The following MED14 variants were observed in gnomAD, a reference collection of about 807,000 sequenced individuals.
MED14 encodes mediator of RNA polymerase II transcription subunit 14.
MED14 carries 8 observed loss-of-function variants against 109.0 expected under a neutral mutation model. The observed-to-expected ratio is 0.07, with a 90% CI of 0.04 to 0.13. The LOEUF is 0.13. Among genes scored for constraint, MED14 ranks in the 10% least tolerant of loss-of-function variants. MED14 has a pLI of 1.00. For missense variants in MED14, 711 were observed against 1,142.4 expected, an observed-to-expected ratio of 0.62 and a Z score of 5.44; for synonymous variants, 399 against 408.7, an observed-to-expected ratio of 0.98 and a Z score of 0.29.
intron 15 of MED14, among the ~76,000 whole-genome samples, chrX:40,690,069 T>A (rs1220889830): frequency 1.8e-5 from 2 of 112,127 alleles, no homozygotes; most frequent in Non-Finnish European, 3.8e-5. Flanking sequence ...ATATCCATCT[T>A]CCCTTCCCAC....
intron 28 of MED14, among the ~76,000 whole-genome samples, chrX:40,656,560 C>A (rs1281828482): frequency 5.3e-5 from 6 of 112,152 alleles, no homozygotes; most frequent in Non-Finnish European, 3.8e-5. Context: ...TATCCTCCGA[C>A]CCAGCAATTC....
chrX:40,660,085 AATT>A (rs1021271818), intron 26 of MED14, among the ~76,000 whole-genome samples: 1 of 111,617 alleles, frequency 9.0e-6, no homozygotes, highest in African/African-American at 3.3e-5. Flanking sequence ...GTGATACAGA[AATT>A]ATTTTTTTTA....
At chrX:40,729,282 TAA>T (rs1181208069) in intron 2 of MED14, 35 bp downstream of exon 2, 1 of 1,177,935 alleles carries the variant, frequency 8.5e-7, no homozygotes, top group Non-Finnish European at 1.1e-6. Flanking sequence ...GATTGATCAA[TAA>T]AGAGACTTTA....
chrX:40,731,309 T>C (rs1201631211), intron 1 of MED14, among the ~76,000 whole-genome samples: 2 of 110,982 alleles, frequency 1.8e-5, no homozygotes, highest in African/African-American at 6.6e-5. Context: ...AAGGTTGTCC[T>C]TTTTACCTTC....
chrX:40,688,868 C>T (rs140312193), intron 15 of MED14, among the ~76,000 whole-genome samples: 1,465 of 112,127 alleles, frequency 0.013, 32 homozygotes, highest in African/African-American at 0.044. Flanking sequence ...AATGGTTTCT[C>T]GTGTAATTCT....
Position 40,709,456 on chromosome X carries a change from C to A in MED14, c.1177G>T (p.Asp393Tyr). Residue 393 changes from aspartate (D) to tyrosine (Y), a missense_variant, in exon 10 of 31, where the codon GAC becomes TAC. This residue lies in a region of MED14 where 388 missense variants were observed against 517.3 expected (regional missense o/e 0.75). Transcript: ENST00000324817. The part of the protein sequence containing the change: ...SKLVERAMKI[D>Y]HLSIEKLLID... ...AGGAGTTTTTCTATTGATAAGTGGTCGATCTGCATAAATAAGAACAACAAA... is the reference window on the plus strand; with the variant it reads ...AGGAGTTTTTCTATTGATAAGTGGTAGATCTGCATAAATAAGAACAACAAA... 1 of 1,033,762 alleles carries A rather than the reference C, an allele frequency of 9.7e-7. No individual in the cohort carries two copies. The highest frequency in any genetic ancestry group is 2.4e-5 in the South Asian group (1 of 40,971). The allele number at this position is 1,033,762 out of a possible 1,213,427, so 85.2% of individuals were successfully genotyped here. A position where few individuals can be genotyped will look rare whatever the true frequency, so the allele number is the denominator to read the frequency against.
chrX:40,729,148 G>A (rs1293784193), intron 2 of MED14, among the ~76,000 whole-genome samples, 171 bp downstream of exon 2: 1 of 111,461 alleles, frequency 9.0e-6, no homozygotes, highest in Non-Finnish European at 1.9e-5. Flanking sequence ...ATTGTTAAGG[G>A]TGAGGAAATT....
chrX:40,704,325 A>G (rs1254724397), intron 10 of MED14, among the ~76,000 whole-genome samples: 2 of 112,230 alleles, frequency 1.8e-5, no homozygotes, highest in Admixed American at 1.9e-4. Context: ...GAGGGGTTGT[A>G]AAAGGAATAT....
chrX:40,679,756 T>C, intron 21 of MED14, 108 bp downstream of exon 21: 2 of 765,636 alleles, frequency 2.6e-6, no homozygotes, highest in Non-Finnish European at 3.7e-6. Flanking sequence ...TGCTACTTAC[T>C]AAATTTAAAC....
chrX:40,661,778 C>G (rs1211601815), intron 26 of MED14, among the ~76,000 whole-genome samples: 1 of 111,583 alleles, frequency 9.0e-6, no homozygotes, highest in East Asian at 2.8e-4. Flanking sequence ...CTAAGGCTAT[C>G]AGCATAGGAT....
intron 12 of MED14, among the ~76,000 whole-genome samples, chrX:40,700,954 CTA>C (rs1351578585): frequency 3.6e-5 from 4 of 111,270 alleles, no homozygotes; most frequent in African/African-American, 1.3e-4. Flanking sequence ...CCCTTCACAC[CTA>C]TATTTGCTCT....
chrX:40,735,534 T>A lies in MED14; in HGVS notation c.-122A>T. ...CGCCACCGCCTACCGCCGGGCCGCCTCAGAACAGGAAGCCGTGCGCCGACC... is the reference window on the plus strand; with the variant it reads ...CGCCACCGCCTACCGCCGGGCCGCCACAGAACAGGAAGCCGTGCGCCGACC... On this transcript the variant is annotated 5_prime_UTR_variant, in exon 1 of 31. Transcript: ENST00000324817. 1 of 699,740 alleles carries A rather than the reference T, an allele frequency of 1.4e-6. No individual in the cohort carries two copies. Among genetic ancestry groups the A allele is most frequent in the Non-Finnish European group, 2.2e-6 (1 of 459,295 alleles). The allele number at this position is 699,740 out of a possible 1,213,427, so 57.7% of individuals were successfully genotyped here. A position where few individuals can be genotyped will look rare whatever the true frequency, so the allele number is the denominator to read the frequency against.
intron 16 of MED14, among the ~76,000 whole-genome samples, chrX:40,685,892 G>A (rs905659118): frequency 8.9e-6 from 1 of 112,031 alleles, no homozygotes; most frequent in African/African-American, 3.2e-5. Context: ...TTAAAGCTTT[G>A]AAGTATCAAC....
intron 22 of MED14, among the ~76,000 whole-genome samples, chrX:40,674,786 T>C (rs1375507494): frequency 8.9e-6 from 1 of 112,396 alleles, no homozygotes; most frequent in Non-Finnish European, 1.9e-5. Context: ...TATGGTTCTA[T>C]AATGTGGCTT....
At position 40,680,563 on chromosome X, in the gene MED14, C is replaced by T. The variant is rs1242883335; in HGVS notation, c.2610+195G>A. Reference sequence around the variant, plus strand: ...CCTCCCAAGTAGCTGGGACTACAGGCGTGCATCGCCACAACTGACTAATTT... The same window carrying T: ...CCTCCCAAGTAGCTGGGACTACAGGTGTGCATCGCCACAACTGACTAATTT... On this transcript the variant is annotated intron_variant, in intron 20 of 30. Transcript: ENST00000324817. 7.2e-5 allele frequency among the ~76,000 whole-genome samples: 8 copies of T among 111,028 alleles called. No individual in the cohort carries two copies. In the East Asian group the frequency reaches 1.7e-3, roughly 23 times the overall value.
At chrX:40,673,549 C>T (rs1283341407) in intron 22 of MED14, among the ~76,000 whole-genome samples, 3 of 111,807 alleles carry the variant, frequency 2.7e-5, no homozygotes, top group East Asian at 2.8e-4. Context: ...AATAAACTAG[C>T]GCTGCAGGCT....
intron 21 of MED14, among the ~76,000 whole-genome samples, chrX:40,677,080 C>A (rs1929931473): frequency 8.9e-6 from 1 of 111,988 alleles, no homozygotes; most frequent in Admixed American, 9.5e-5. Flanking sequence ...GTTATCTCTT[C>A]CACCATGGAG....
chrX:40,713,765 T>C lies in MED14; in HGVS notation c.652+13A>G. 8.3e-7 allele frequency: 1 copy of C among 1,209,488 alleles called. No individual in the cohort carries two copies. The highest frequency in any genetic ancestry group is 1.1e-6 in the Non-Finnish European group (1 of 894,383). ...GCCATCAACTCTTAAAAAAATAAAT[T>C]TCAGATACATACCAACTGTAAGATT... On this transcript the variant is annotated intron_variant, in intron 5 of 30. Transcript: ENST00000324817.
intron 28 of MED14, among the ~76,000 whole-genome samples, chrX:40,655,566 G>A (rs1345202772): frequency 8.9e-6 from 1 of 111,838 alleles, no homozygotes; most frequent in African/African-American, 3.3e-5. Flanking sequence ...AGCATTCAAG[G>A]CCCTTCTTAA....
Sources: allele counts gnomAD v4.1 joint callset (sites outside exome capture counted in the v4.1 genomes callset), GRCh38; gene constraint gnomAD v4.1.1; regional missense constraint gnomAD v4.1.1; transcripts MANE v1.5; gene names NCBI Gene and HGNC (gene_info 2026-07-23, HGNC 2026-07-21).